Variants in DLGAP2 observed in about 807,000 individuals in gnomAD.
The protein encoded by DLGAP2 is DLG associated protein 2.
A neutral mutation model predicts 100.3 loss-of-function variants in DLGAP2; 26 were observed. That is an observed-to-expected ratio of 0.26 (90% CI 0.19 to 0.36). The LOEUF is 0.36. Among genes scored for constraint, DLGAP2 ranks in the 10% least tolerant of loss-of-function variants. The probability of loss-of-function intolerance (pLI) is 1.00; values close to 1 mark genes in which losing one functional copy is unlikely to be tolerated. For missense variants in DLGAP2, 1,858 were observed against 1,453.2 expected (o/e 1.28, Z -4.53); for synonymous variants, 886 against 630.1 (o/e 1.41, Z -6.08).
intron 3 of DLGAP2, among the ~76,000 whole-genome samples, chr8:1,500,120 G>T (rs1411204725): frequency 6.6e-6 from 1 of 152,202 alleles, no homozygotes; most frequent in Admixed American, 6.5e-5. Context: ...TGCCAAAATG[G>T]TGACAAAGAT....
At chr8:1,553,911 G>A (rs992704902) in intron 5 of DLGAP2, among the ~76,000 whole-genome samples, 1 of 152,120 alleles carries the variant, frequency 6.6e-6, no homozygotes, top group Non-Finnish European at 1.5e-5. Context: ...TCATCCTTGC[G>A]GTGTAGTTTA....
intron 3 of DLGAP2, among the ~76,000 whole-genome samples, chr8:1,364,502 C>CAG (rs770226269): frequency 9.2e-5 from 13 of 141,612 alleles, no homozygotes; most frequent in African/African-American, 3.5e-4. Flanking sequence ...ATGGGAAGGG[C>CAG]GGGGGGGGTG....
intron 3 of DLGAP2, among the ~76,000 whole-genome samples, chr8:1,436,663 G>C (rs1323469437): frequency 6.6e-6 from 1 of 152,146 alleles, no homozygotes; most frequent in Non-Finnish European, 1.5e-5. Flanking sequence ...AGTTTGCAGT[G>C]TGTGTAGAGT....
chr8:1,326,642 G>A (rs73670756), intron 3 of DLGAP2, among the ~76,000 whole-genome samples: 2,649 of 152,284 alleles, frequency 0.017, 96 homozygotes, highest in African/African-American at 0.06. Context: ...CTCAGGACAC[G>A]GCGAGCTCTT....
chr8:1,506,733 T>C (rs1799933727), intron 4 of DLGAP2, among the ~76,000 whole-genome samples: 1 of 152,208 alleles, frequency 6.6e-6, no homozygotes, highest in Admixed American at 6.5e-5. Flanking sequence ...TTGGTCTGTT[T>C]TGACAGGGTG....
At chr8:1,617,691 T>C (rs902723677) in intron 6 of DLGAP2, among the ~76,000 whole-genome samples, 1 of 152,232 alleles carries the variant, frequency 6.6e-6, no homozygotes, top group African/African-American at 2.4e-5. Context: ...TAGTTTCTTT[T>C]GCTGTGCAGA....
At chr8:954,858 A>G (rs939688293) in intron 2 of DLGAP2, among the ~76,000 whole-genome samples, 2 of 152,150 alleles carry the variant, frequency 1.3e-5, no homozygotes, top group Non-Finnish European at 2.9e-5. Flanking sequence ...TATTCTGAAT[A>G]CCTTAGATGT....
chr8:1,103,458 C>T lies in DLGAP2; in HGVS notation c.74-155393C>T, dbSNP rs1388240187. ...GGTTAACGGTGATGACTGGCGGGGC[C>T]TTGGTTAACGTTGATGACTGGCGGG... On this transcript the variant is annotated intron_variant, in intron 2 of 14. Transcript: ENST00000637795. Among the ~76,000 whole-genome samples the T allele has an allele frequency of 2.0e-5, 3 of 147,784 alleles. No individual in the cohort carries two copies. In the East Asian group the frequency reaches 6.1e-4, roughly 30 times the overall value.
intron 3 of DLGAP2, among the ~76,000 whole-genome samples, chr8:1,411,615 C>G (rs540496581): frequency 6.6e-6 from 1 of 152,218 alleles, no homozygotes; most frequent in Non-Finnish European, 1.5e-5. Context: ...GGGCCTCGTG[C>G]TCCTCCTGGC....
intron 2 of DLGAP2, among the ~76,000 whole-genome samples, chr8:1,113,587 G>C (rs1805026288): frequency 6.6e-6 from 1 of 152,106 alleles, no homozygotes; most frequent in Admixed American, 6.5e-5. Context: ...TATCAGCTGA[G>C]AGAGCTTTTG....
At position 1,106,771 on chromosome 8, in the gene DLGAP2, G is replaced by T. The variant is rs112836607; in HGVS notation, c.74-152080G>T. Among the ~76,000 whole-genome samples, 5 of 151,648 alleles carry T rather than the reference G, an allele frequency of 3.3e-5. No homozygotes were observed. In the East Asian group the frequency reaches 9.7e-4, roughly 29 times the overall value. Reference sequence around the variant, plus strand: ...TCTATTGAAGGGAGCCATTCTAGGAGGGTTTTCTATTGAAGGGAGCCATTC... The same window carrying T: ...TCTATTGAAGGGAGCCATTCTAGGATGGTTTTCTATTGAAGGGAGCCATTC... On this transcript the variant is annotated intron_variant, in intron 2 of 14. Transcript: ENST00000637795.
chr8:1,267,377 C>T (rs915662010), intron 3 of DLGAP2, among the ~76,000 whole-genome samples: 1 of 150,980 alleles, frequency 6.6e-6, no homozygotes, highest in Admixed American at 6.6e-5. Context: ...ACCAGTCTGA[C>T]CAACATGGTG....
At position 1,701,507 on chromosome 8, in the gene DLGAP2, A is replaced by G; in HGVS notation, c.*101A>G. 8.0e-7 allele frequency: 1 copy of G among 1,251,392 alleles called. No individual in the cohort carries two copies. The highest frequency in any genetic ancestry group is 1.1e-6 in the Non-Finnish European group (1 of 922,204). The allele number at this position is 1,251,392 out of a possible 1,614,324, so 77.5% of individuals were successfully genotyped here. A position where few individuals can be genotyped will look rare whatever the true frequency, so the allele number is the denominator to read the frequency against. ...TTTCTGTCTCCTCCTCCCGCTGAAC[A>G]CGTCCTCGCTCCCGCGCTCCCCGCG... On this transcript the variant is annotated 3_prime_UTR_variant, in exon 15 of 15. Transcript: ENST00000637795.
At chr8:1,266,235 T>G (rs1799447648) in intron 3 of DLGAP2, among the ~76,000 whole-genome samples, 1 of 152,250 alleles carries the variant, frequency 6.6e-6, no homozygotes, top group African/African-American at 2.4e-5. Context: ...AATTTTTTGC[T>G]TGACTTCAGT....
intron 3 of DLGAP2, among the ~76,000 whole-genome samples, chr8:1,483,330 T>C (rs1283717115): frequency 2.6e-5 from 4 of 152,180 alleles, no homozygotes; most frequent in Non-Finnish European, 5.9e-5. Context: ...GGGCAGAGAC[T>C]GGGCTGGACG....
intron 2 of DLGAP2, among the ~76,000 whole-genome samples, chr8:924,472 G>A (rs1394972730): frequency 3.9e-5 from 6 of 152,278 alleles, no homozygotes; most frequent in African/African-American, 7.2e-5. Context: ...CTGTAAGCCC[G>A]GTGAAGTTTA....
intron 3 of DLGAP2, among the ~76,000 whole-genome samples, chr8:1,476,330 C>G (rs924212371): frequency 1.3e-5 from 2 of 152,174 alleles, no homozygotes; most frequent in African/African-American, 2.4e-5. Context: ...GCAATACAAT[C>G]CTAATAATAA....
chr8:1,565,925 A>G, intron 6 of DLGAP2, 31 bp downstream of exon 6: 1 of 1,550,486 alleles, frequency 6.4e-7, no homozygotes, highest in Non-Finnish European at 8.7e-7. Context: ...TCCCACTCCA[A>G]GCACTTTCCC....
chr8:1,336,124 C>T (rs1361321858), intron 3 of DLGAP2, among the ~76,000 whole-genome samples: 2 of 152,266 alleles, frequency 1.3e-5, no homozygotes, highest in Non-Finnish European at 2.9e-5. Flanking sequence ...CCCTGTTCCT[C>T]CCCACATTGG....
Sources: gnomAD v4.1 joint callset for allele counts (sites outside exome capture counted in the v4.1 genomes callset) on GRCh38, gnomAD v4.1.1 for gene constraint, MANE v1.5 for transcripts, NCBI Gene and HGNC (gene_info 2026-07-23, HGNC 2026-07-21) for gene names.